Variants in TLDC2 observed in about 807,000 individuals in gnomAD.
TLDC2 encodes the protein TBC/LysM-associated domain containing 2.
A neutral mutation model predicts 27.9 loss-of-function variants in TLDC2; 23 were observed. That is an observed-to-expected ratio of 0.82 (90% CI 0.59 to 1.17). TLDC2 has a LOEUF of 1.17. Among genes scored for constraint, TLDC2 ranks in the 50% most tolerant of loss-of-function variants. TLDC2 has a pLI of 0.00. For synonymous variants in TLDC2, 124 were observed against 107.4 expected, an observed-to-expected ratio of 1.16 and a Z score of -0.96; for missense variants, 286 against 273.4, an observed-to-expected ratio of 1.05 and a Z score of -0.32.
intron 4 of TLDC2, among the ~76,000 whole-genome samples, chr20:36,885,274 T>C (rs527746433): frequency 2.0e-5 from 3 of 152,288 alleles, no homozygotes; most frequent in African/African-American, 7.2e-5. Context: ...GTCTACCCAG[T>C]GCCTGAAAAT....
intron 4 of TLDC2, among the ~76,000 whole-genome samples, chr20:36,885,682 C>T (rs1989906706): frequency 6.6e-6 from 1 of 152,178 alleles, no homozygotes. Context: ...TTTGGTTGCT[C>T]ACAGCATTTT....
At chr20:36,876,232 G>A (rs1379947879) in intron 1 of TLDC2, 25 bp downstream of exon 1, 2 of 1,614,140 alleles carry the variant, frequency 1.2e-6, no homozygotes, top group East Asian at 2.2e-5. Flanking sequence ...TCCGTCTGTG[G>A]TGCAGGTTGG....
chr20:36,891,107 G>A lies in TLDC2; in HGVS notation c.*17+1704G>A, dbSNP rs555616850. 11 of 152,362 alleles carry A rather than the reference G, an allele frequency of 7.2e-5. No homozygotes were observed. The East Asian group carries it at 9.6e-4, about 13-fold the overall frequency. The allele number at this position is 152,362 out of a possible 1,614,324, so 9.4% of individuals were successfully genotyped here. A position where few individuals can be genotyped will look rare whatever the true frequency, so the allele number is the denominator to read the frequency against. On this transcript the variant is annotated intron_variant, in intron 6 of 6. Coordinates refer to ENST00000217320, the MANE Select transcript of TLDC2 (RefSeq NM_080628.3). ...GTGCCATGGCTGACCTCACTTGTGC[G>A]TTGCTGAGCCCATATGTGAACAAAT...
At chr20:36,878,368 G>T (rs1989723126) in intron 2 of TLDC2, among the ~76,000 whole-genome samples, 8 of 152,244 alleles carry the variant, frequency 5.3e-5, no homozygotes, top group South Asian at 4.1e-4. Context: ...ATCGCTTGAG[G>T]CCAGGAGCTG....
rs267605917 is a variant in TLDC2, at chr20:36,879,055, C to T, written c.204C>T (p.Phe68=). The T allele has an allele frequency of 1.2e-6, 2 of 1,614,232 alleles. No individual in the cohort carries two copies. The highest frequency in any genetic ancestry group is 1.7e-5 in the Admixed American group (1 of 60,028). ...CCTGTCCCCAGCTCAGCTTTCACTT[C>T]CCACCAAGAGTCACCGGCCATCCCT... The part of the protein sequence containing the change: ...ASEIRQLSFH[F]PPRVTGHPWS... Residue 68 remains phenylalanine, a synonymous_variant, in exon 3 of 7, where the codon TTC becomes TTT. Coordinates refer to ENST00000217320, the MANE Select transcript of TLDC2 (RefSeq NM_080628.3).
intron 4 of TLDC2, among the ~76,000 whole-genome samples, chr20:36,882,119 C>A (rs1180160726): frequency 2.0e-5 from 3 of 152,128 alleles, no homozygotes; most frequent in Non-Finnish European, 4.4e-5. Flanking sequence ...GCTCGAGCTG[C>A]CCAGGAGCTG....
chr20:36,879,141 T>G lies in TLDC2; in HGVS notation c.290T>G (p.Met97Arg). ...GFSLQSLYRR[M>R]EGCSGPVLLV... ...AGCCTGCAGAGCCTGTACCGGCGGA[T>G]GGAGGGCTGCAGCGGGCCAGTGCTG... Residue 97 changes from methionine to arginine, a missense_variant, in exon 3 of 7, where the codon ATG (methionine) becomes AGG (arginine). Coordinates refer to ENST00000217320, the MANE Select transcript of TLDC2 (RefSeq NM_080628.3). The G allele has an allele frequency of 6.2e-7, 1 of 1,613,976 alleles. No individual in the cohort carries two copies. Among genetic ancestry groups the G allele is most frequent in the Non-Finnish European group, 8.5e-7 (1 of 1,179,992 alleles).
At chr20:36,879,435 C>G (rs576901576) in intron 3 of TLDC2, among the ~76,000 whole-genome samples, 1 of 152,308 alleles carries the variant, frequency 6.6e-6, no homozygotes, top group South Asian at 2.1e-4. Flanking sequence ...CAGAATCAAC[C>G]CAGAAGAGGT....
At chr20:36,887,563 T>G (rs1199919505) in intron 5 of TLDC2, 35 bp downstream of exon 5, 2 of 1,593,620 alleles carry the variant, frequency 1.3e-6, no homozygotes, top group East Asian at 4.5e-5. Context: ...CTTGGGGCGG[T>G]CTGTGTTCTG....
intron 5 of TLDC2, 118 bp from the exon 6 acceptor site, chr20:36,889,133 T>G (rs113616260): frequency 5.5e-6 from 8 of 1,453,038 alleles, no homozygotes; most frequent in African/African-American, 2.8e-5. Flanking sequence ...TAAGGGGCGA[T>G]AAGACAGGTG....
chr20:36,878,147 A>G, intron 2 of TLDC2, 93 bp downstream of exon 2: 4 of 1,393,762 alleles, frequency 2.9e-6, no homozygotes, highest in Non-Finnish European at 3.9e-6. Flanking sequence ...GGGCACCTAG[A>G]GTCACTCTTG....
rs373354839 is a variant in TLDC2, at chr20:36,889,395, C to T, written c.*9C>T. On this transcript the variant is annotated 3_prime_UTR_variant, in exon 6 of 7. Transcript: ENST00000217320. ...CTTGGCTTCTCAGCTGACAGCCCTG[C>T]GGCAACAGGTACTCAGCCCTGCTCA... 54 of 1,612,622 alleles carry T rather than the reference C, an allele frequency of 3.3e-5. No individual in the cohort carries two copies. The highest frequency in any genetic ancestry group is 1.9e-4 in the African/African-American group (14 of 74,914).
chr20:36,887,268 G>A (rs1242190147), intron 4 of TLDC2, among the ~76,000 whole-genome samples, 187 bp from the exon 5 acceptor site: 1 of 152,084 alleles, frequency 6.6e-6, no homozygotes, highest in African/African-American at 2.4e-5. Flanking sequence ...GAGGGCATGC[G>A]GTGGTGACTC....
At chr20:36,892,441 A>G (rs895818601) in intron 6 of TLDC2, 1 of 192,900 alleles carries the variant, frequency 5.2e-6, no homozygotes, top group Non-Finnish European at 1.1e-5. Context: ...TCTAGTTCCA[A>G]TTTGTACCCT....
In TLDC2 at chr20:36,879,042, T is replaced by C; in HGVS notation, c.191T>C (p.Leu64Pro). 6.2e-7 allele frequency: 1 copy of C among 1,614,148 alleles called. No individual in the cohort carries two copies. The highest frequency in any genetic ancestry group is 8.5e-7 in the Non-Finnish European group (1 of 1,180,010). Residue 64 changes from leucine to proline, a missense_variant and splice_region_variant, in exon 3 of 7, where the codon CTC becomes CCC. Transcript: ENST00000217320. The part of the protein sequence containing the change: ...QVLSASEIRQ[L>P]SFHFPPRVTG... The stretch of plus-strand genomic sequence containing the variant: ...ATTCACCTCCAACCCTGTCCCCAGC[T>C]CAGCTTTCACTTCCCACCAAGAGTC...
intron 2 of TLDC2, 89 bp downstream of exon 2, chr20:36,878,143 C>A: frequency 7.1e-7 from 1 of 1,406,218 alleles, no homozygotes; most frequent in Admixed American, 2.5e-5. Context: ...CCAGGGGCAC[C>A]TAGAGTCACT....
At chr20:36,880,071 A>ATACATATATATATATATG (rs1989769910) in intron 3 of TLDC2, among the ~76,000 whole-genome samples, 1 of 32,404 alleles carries the variant, frequency 3.1e-5, no homozygotes, top group Non-Finnish European at 5.1e-5. Flanking sequence ...ATATATATAC[A>ATACATATATATATATATG]TATATATATA....
In TLDC2 at chr20:36,877,380, CAA is replaced by C. The variant is rs372293425; in HGVS notation, c.34-504_34-503del. On this transcript the variant is annotated intron_variant, in intron 1 of 6. Coordinates refer to ENST00000217320, the MANE Select transcript of TLDC2 (RefSeq NM_080628.3). The stretch of plus-strand genomic sequence containing the variant: ...TGGGTGACAGAGCAAGACCCTGTCT[CAA>C]AAAAAAAAAAAAAAGGAAAAAGAAA... 7.8e-3 allele frequency among the ~76,000 whole-genome samples: 735 copies of C among 94,610 alleles called. 3 individuals carry two copies. The highest frequency in any genetic ancestry group is 0.023 in the African/African-American group (576 of 24,832). 62.1% of individuals were successfully genotyped at this position (94,610 alleles called of 152,430 possible).
intron 5 of TLDC2, among the ~76,000 whole-genome samples, chr20:36,887,818 A>C (rs1328510392): frequency 6.6e-6 from 1 of 152,220 alleles, no homozygotes. Context: ...GGATGAGACT[A>C]GCGTCAAGAG....
Sources: allele counts gnomAD v4.1 joint callset (sites outside exome capture counted in the v4.1 genomes callset), GRCh38; gene constraint gnomAD v4.1.1; transcripts MANE v1.5; gene names NCBI Gene and HGNC (gene_info 2026-07-23, HGNC 2026-07-21).